Variants in SOS1 observed in about 807,000 individuals in gnomAD.
SOS1 encodes the protein son of sevenless homolog 1.
SOS1 carries 25 observed loss-of-function variants against 157.6 expected under a neutral mutation model. The ratio of observed to expected loss-of-function variants is 0.16; its 90% CI spans 0.12 to 0.22. SOS1 has a LOEUF of 0.22. Ranked by LOEUF, SOS1 falls within the 10% of genes least tolerant of loss-of-function variation. The pLI is 1.00. For synonymous variants in SOS1, 528 were observed against 534.0 expected, an observed-to-expected ratio of 0.99 and a Z score of 0.16; for missense variants, 1,237 against 1,599.1, an observed-to-expected ratio of 0.77 and a Z score of 3.86.
rs727503439 is a variant in SOS1, at chr2:39,120,437, G to A, written c.-15C>T. The A allele has an allele frequency of 3.8e-6, 6 of 1,570,600 alleles. No homozygotes were observed. The Admixed American group carries it at 7.1e-5, about 18-fold the overall frequency. On this transcript the variant is annotated 5_prime_UTR_variant, in exon 1 of 23. Transcript: ENST00000402219. Reference sequence around the variant, plus strand: ...TGCGCCTGCATGGTGCCCCCGGGGCGCCTCTGGGCGGGGAGAGGGGCGGCG... The same window carrying A: ...TGCGCCTGCATGGTGCCCCCGGGGCACCTCTGGGCGGGGAGAGGGGCGGCG...
chr2:39,086,744 A>C (rs1393844738), intron 1 of SOS1, among the ~76,000 whole-genome samples: 1 of 152,174 alleles, frequency 6.6e-6, no homozygotes, highest in Non-Finnish European at 1.5e-5. Context: ...AAAGGAAGGG[A>C]GTCTGCTGAC....
At chr2:39,064,553 A>G (rs957561942) in intron 2 of SOS1, among the ~76,000 whole-genome samples, 6 of 152,096 alleles carry the variant, frequency 3.9e-5, no homozygotes, top group African/African-American at 1.4e-4. Context: ...TATAGTCACC[A>G]TGCTGTACAA....
In SOS1 at chr2:39,022,752, A is replaced by G. The variant is rs1669837207; in HGVS notation, c.1676T>C (p.Leu559Pro). The G allele has an allele frequency of 1.2e-6, 2 of 1,613,786 alleles. No homozygotes were observed. The highest frequency in any genetic ancestry group is 1.7e-5 in the Admixed American group (1 of 60,002). ...TLERMLDVTM[L>P]QEEKEEQMRL... Reference sequence around the variant, plus strand: ...CATCTGCTCCTCTTTCTCTTCCTGTAGCATTGTTACATCAAGCATCCTTTC... The same window carrying G: ...CATCTGCTCCTCTTTCTCTTCCTGTGGCATTGTTACATCAAGCATCCTTTC... Residue 559 changes from leucine (L) to proline (P), a missense_variant, in exon 10 of 23, where the codon CTA (leucine) becomes CCA (proline). By Grantham distance (98) the Leu-to-Pro change is moderately conservative. Coordinates refer to ENST00000402219, the MANE Select transcript of SOS1 (RefSeq NM_005633.4).
chr2:39,007,327 T>C, intron 15 of SOS1, 134 bp from the exon 16 acceptor site: 1 of 653,630 alleles, frequency 1.5e-6, no homozygotes, highest in South Asian at 1.8e-5. Context: ...AGAAGACACA[T>C]TCAGGGTGAC....
In SOS1 at chr2:39,013,719, A is replaced by G; in HGVS notation, c.2063+148T>C. ...AAAATTCTATGTTAAGGCTTATACTATAATTTCTGATAACTGCTCTAATTA... is the reference window on the plus strand; with the variant it reads ...AAAATTCTATGTTAAGGCTTATACTGTAATTTCTGATAACTGCTCTAATTA... On this transcript the variant is annotated intron_variant, in intron 12 of 22. Coordinates refer to ENST00000402219, the MANE Select transcript of SOS1 (RefSeq NM_005633.4). 3 of 873,052 alleles carry G rather than the reference A, an allele frequency of 3.4e-6. No individual in the cohort carries two copies. In the South Asian group the frequency reaches 4.3e-5, roughly 12 times the overall value. The allele number at this position is 873,052 out of a possible 1,614,324, so 54.1% of individuals were successfully genotyped here.
intron 1 of SOS1, among the ~76,000 whole-genome samples, chr2:39,110,228 C>G (rs2148222973): frequency 6.6e-6 from 1 of 152,174 alleles, no homozygotes; most frequent in Non-Finnish European, 1.5e-5. Flanking sequence ...CTCCCACATA[C>G]CTTAAATCAT....
intron 1 of SOS1, among the ~76,000 whole-genome samples, chr2:39,068,224 C>T (rs1671659619): frequency 6.6e-6 from 1 of 152,136 alleles, no homozygotes; most frequent in African/African-American, 2.4e-5. Context: ...TTTTCCCAGC[C>T]ACATGCTTAT....
At chr2:39,036,218 C>T (rs1260418776) in intron 6 of SOS1, among the ~76,000 whole-genome samples, 1 of 151,918 alleles carries the variant, frequency 6.6e-6, no homozygotes, top group Non-Finnish European at 1.5e-5. Flanking sequence ...AGCATGAGCT[C>T]ATTTCCATAA....
Position 39,043,567 on chromosome 2 carries a change from C to T in SOS1, c.864+7577G>A, listed in dbSNP as rs551420165. Among the ~76,000 whole-genome samples, 7 of 152,304 alleles carry T rather than the reference C, an allele frequency of 4.6e-5. No homozygotes were observed. The South Asian group carries it at 1.2e-3, about 27-fold the overall frequency. ...TGTTGCTATAACTAAATACCTGAGA[C>T]TGGGTAATTCATAAAGAAATTTATT... is the stretch of plus-strand genomic sequence containing the variant. On this transcript the variant is annotated intron_variant, in intron 6 of 22. Transcript: ENST00000402219.
intron 1 of SOS1, among the ~76,000 whole-genome samples, chr2:39,082,915 A>G (rs144828670): frequency 0.013 from 1,965 of 152,310 alleles, 22 homozygotes; most frequent in Non-Finnish European, 0.02. Context: ...TTTATAAAGA[A>G]GAGGAAATGT....
chr2:39,094,657 A>AAATAAATAAATAAATC (rs1412687459), intron 1 of SOS1, among the ~76,000 whole-genome samples: 15 of 10,402 alleles, frequency 1.4e-3, no homozygotes, highest in African/African-American at 1.7e-3. Flanking sequence ...GGTCTCAAAT[A>AAATAAATAAATAAATC]AATAAATAAA....
chr2:39,025,744 AGG>A (rs1229962896), intron 8 of SOS1, among the ~76,000 whole-genome samples: 1 of 152,330 alleles, frequency 6.6e-6, no homozygotes, highest in East Asian at 1.9e-4. Flanking sequence ...TATTCCTTAA[AGG>A]TCAACAACAC....
chr2:39,078,996 G>C (rs1449358790), intron 1 of SOS1, among the ~76,000 whole-genome samples: 1 of 137,544 alleles, frequency 7.3e-6, no homozygotes, highest in Non-Finnish European at 1.5e-5. Flanking sequence ...GGAGGTGAAG[G>C]TTGCAGTGAG....
At chr2:39,090,096 C>T (rs945027979) in intron 1 of SOS1, among the ~76,000 whole-genome samples, 8 of 145,670 alleles carry the variant, frequency 5.5e-5, no homozygotes, top group Non-Finnish European at 1.0e-4. Context: ...GCTGAGATAA[C>T]ACCACTGCGC....
At chr2:39,045,714 T>C (rs1670757833) in intron 6 of SOS1, among the ~76,000 whole-genome samples, 1 of 152,192 alleles carries the variant, frequency 6.6e-6, no homozygotes, top group African/African-American at 2.4e-5. Context: ...TTTTTATTTA[T>C]TATTCATTTT....
intron 21 of SOS1, among the ~76,000 whole-genome samples, chr2:38,988,780 T>A (rs1385186477): frequency 6.6e-6 from 1 of 152,152 alleles, no homozygotes; most frequent in Non-Finnish European, 1.5e-5. Flanking sequence ...TTATTTTGTT[T>A]ATCAGTATTT....
chr2:39,044,856 G>GCA (rs1429242506), intron 6 of SOS1, among the ~76,000 whole-genome samples: 11 of 28,430 alleles, frequency 3.9e-4, no homozygotes, highest in South Asian at 2.6e-3. Flanking sequence ...ACACATGCGC[G>GCA]CGCGCGCGCA....
chr2:39,019,153 G>C (rs563515149), intron 10 of SOS1, among the ~76,000 whole-genome samples: 2 of 151,866 alleles, frequency 1.3e-5, no homozygotes, highest in East Asian at 3.9e-4. Context: ...CTGGAAAAGA[G>C]AAATTCCCAG....
chr2:39,073,903 A>G (rs1199498571), intron 1 of SOS1, among the ~76,000 whole-genome samples: 1 of 152,242 alleles, frequency 6.6e-6, no homozygotes, highest in Non-Finnish European at 1.5e-5. Context: ...TAAAAATATA[A>G]AGACAGAATT....
Sources: allele counts gnomAD v4.1 joint callset (sites outside exome capture counted in the v4.1 genomes callset), GRCh38; gene constraint gnomAD v4.1.1; transcripts MANE v1.5; gene names NCBI Gene and HGNC (gene_info 2026-07-23, HGNC 2026-07-21).